Variants in NIBAN1 observed in about 807,000 individuals in gnomAD.
NIBAN1 encodes protein Niban 1.
NIBAN1 carries 81 observed loss-of-function variants against 75.1 expected under a neutral mutation model. The observed-to-expected ratio is 1.08, with a 90% CI of 0.90 to 1.30. The LOEUF (loss-of-function observed/expected upper bound fraction) is 1.30. NIBAN1 is among the 50% of genes most tolerant of loss of function. The pLI, the probability that NIBAN1 is intolerant of heterozygous loss-of-function variation, is 0.00. For missense variants in NIBAN1, 1,133 were observed against 1,128.1 expected (o/e 1.00, Z -0.06); for synonymous variants, 436 against 424.8 (o/e 1.03, Z -0.32).
chr1:184,884,322 C>G (rs993440371), intron 5 of NIBAN1, among the ~76,000 whole-genome samples: 1 of 145,368 alleles, frequency 6.9e-6, no homozygotes, highest in Admixed American at 7.1e-5. Context: ...CTCCCGGGTT[C>G]AAGTAATTCT....
At chr1:184,895,809 G>A (rs1656783073) in intron 2 of NIBAN1, among the ~76,000 whole-genome samples, 1 of 152,038 alleles carries the variant, frequency 6.6e-6, no homozygotes, top group African/African-American at 2.4e-5. Context: ...GAAAACATGT[G>A]GTATTTGATT....
At chr1:184,803,524 G>T (rs1211490296) in intron 12 of NIBAN1, 61 bp downstream of exon 12, 20 of 1,348,218 alleles carry the variant, frequency 1.5e-5, no homozygotes, top group Non-Finnish European at 2.1e-5. Flanking sequence ...CATCACAAAA[G>T]AACTTGTTTG....
At chr1:184,805,836 A>T in intron 11 of NIBAN1, 110 bp downstream of exon 11, 2 of 791,028 alleles carry the variant, frequency 2.5e-6, no homozygotes, top group African/African-American at 1.7e-5. Context: ...GAGAGAAAGG[A>T]GTGGGGAAAG....
Position 184,823,662 on chromosome 1 carries a change from A to T in NIBAN1, c.798T>A (p.Asn266Lys), listed in dbSNP as rs754503299. 1.2e-6 allele frequency: 2 copies of T among 1,614,184 alleles called. No homozygotes were observed. Among genetic ancestry groups the T allele is most frequent in the Admixed American group, 1.7e-5 (1 of 60,024 alleles). ...CACCAAGCCACGTCCTCTTTCTGTC[A>T]TTCTTCTTCCCCTTCATCTTAGGCA... ...DLLPKMKGKKNDRKRTWLGLL... is the reference protein window; with the variant it reads ...DLLPKMKGKKKDRKRTWLGLL... The change falls in exon 7 of 14, where the codon AAT becomes AAA. Residue 266 changes from asparagine to lysine, a missense_variant. Coordinates refer to ENST00000367511, the MANE Select transcript of NIBAN1 (RefSeq NM_052966.4).
intron 5 of NIBAN1, among the ~76,000 whole-genome samples, chr1:184,871,370 A>T (rs1014585014): frequency 7.0e-6 from 1 of 142,086 alleles, no homozygotes; most frequent in Non-Finnish European, 1.5e-5. Flanking sequence ...AAAAAAAAAA[A>T]AAAGAGGAAA....
intron 5 of NIBAN1, among the ~76,000 whole-genome samples, chr1:184,881,379 G>A (rs899266743): frequency 6.6e-6 from 1 of 152,148 alleles, no homozygotes; most frequent in African/African-American, 2.4e-5. Context: ...GCCAAATTCA[G>A]ACCCAACACT....
intron 5 of NIBAN1, among the ~76,000 whole-genome samples, chr1:184,835,295 C>CT (rs1243929480): frequency 6.6e-6 from 1 of 152,154 alleles, no homozygotes; most frequent in Non-Finnish European, 1.5e-5. Context: ...CAGCTTTGTT[C>CT]TTTTTGCTTA....
chr1:184,803,785 T>C, intron 11 of NIBAN1, 93 bp from the exon 12 acceptor site: 2 of 1,000,302 alleles, frequency 2.0e-6, no homozygotes, highest in Admixed American at 1.9e-5. Context: ...CACCTCTCTT[T>C]TCCTCCTAAT....
At chr1:184,918,121 G>A (rs560274596) in intron 1 of NIBAN1, among the ~76,000 whole-genome samples, 24 of 152,076 alleles carry the variant, frequency 1.6e-4, no homozygotes, top group Non-Finnish European at 2.8e-4. Flanking sequence ...CCCCTGTCTC[G>A]GTTAACAGAT....
chr1:184,941,576 G>A (rs372167912), intron 1 of NIBAN1, among the ~76,000 whole-genome samples: 2 of 151,742 alleles, frequency 1.3e-5, no homozygotes, highest in Admixed American at 6.6e-5. Context: ...CTTGAGCCTG[G>A]GGGATCAAGG....
At chr1:184,809,283 T>C (rs1654298391) in intron 9 of NIBAN1, among the ~76,000 whole-genome samples, 1 of 152,212 alleles carries the variant, frequency 6.6e-6, no homozygotes, top group South Asian at 2.1e-4. Flanking sequence ...ATCAAAAGCA[T>C]GCTGTGGAAC....
chr1:184,808,845 A>T (rs1335135600), intron 9 of NIBAN1, among the ~76,000 whole-genome samples: 15 of 152,172 alleles, frequency 9.9e-5, no homozygotes. Context: ...CTCCTACTCT[A>T]GTTTGCACTC....
At chr1:184,925,596 G>T (rs1571578783) in intron 1 of NIBAN1, among the ~76,000 whole-genome samples, 1 of 149,320 alleles carries the variant, frequency 6.7e-6, no homozygotes, top group Admixed American at 6.6e-5. Context: ...TTTTATTTGA[G>T]GCTACCATGA....
intron 1 of NIBAN1, among the ~76,000 whole-genome samples, chr1:184,956,026 T>C (rs1658481974): frequency 2.7e-5 from 1 of 37,202 alleles, no homozygotes; most frequent in Non-Finnish European, 5.8e-5. Context: ...ATTTTTTCTT[T>C]TTGTTTGTTT....
chr1:184,924,699 T>C (rs893547271), intron 1 of NIBAN1, among the ~76,000 whole-genome samples: 1 of 152,174 alleles, frequency 6.6e-6, no homozygotes, highest in Non-Finnish European at 1.5e-5. Context: ...ATTACAGCTT[T>C]GATCTCATTA....
chr1:184,839,995 A>T (rs1472136937), intron 5 of NIBAN1, among the ~76,000 whole-genome samples: 1 of 152,222 alleles, frequency 6.6e-6, no homozygotes, highest in Non-Finnish European at 1.5e-5. Flanking sequence ...GAGATCACTT[A>T]GTCCAAATCT....
intron 1 of NIBAN1, among the ~76,000 whole-genome samples, chr1:184,943,237 G>C (rs1173538305): frequency 6.6e-6 from 1 of 152,208 alleles, no homozygotes; most frequent in Admixed American, 6.5e-5. Context: ...AATTTGATCA[G>C]AATGAGTTCC....
rs138813412 is a variant in NIBAN1 at position 184,795,094 on chromosome 1, C to T, written c.2670G>A (p.Glu890=). The T allele has an allele frequency of 9.3e-6, 15 of 1,614,006 alleles. No homozygotes were observed. In the African/African-American group the frequency reaches 1.9e-4, roughly 20 times the overall value. Residue 890 remains glutamate, a synonymous_variant, in exon 14 of 14, where the codon GAG becomes GAA. Transcript: ENST00000367511. ...AEEIKVARIH[E]CQWVVEDAPN... is the part of the protein sequence containing the mutation. ...GAGCATCCTCCACCACCCACTGACA[C>T]TCATGAATACGGGCTACCTTGATCT...
Position 184,963,223 on chromosome 1 carries a change from CAA to C in NIBAN1, c.55+11077_55+11078del, listed in dbSNP as rs1658696386. Among the ~76,000 whole-genome samples the C allele has an allele frequency of 2.0e-5, 3 of 151,956 alleles. No individual in the cohort carries two copies. The South Asian group carries it at 6.2e-4, about 32-fold the overall frequency. On this transcript the variant is annotated intron_variant, in intron 1 of 13. Coordinates refer to ENST00000367511, the MANE Select transcript of NIBAN1 (RefSeq NM_052966.4). ...ACATTAAAATATTATTAGAAAAAATCAAGTCTTTAATAAAATTCAGTATATAT... is the reference window on the plus strand; with the variant it reads ...ACATTAAAATATTATTAGAAAAAATCGTCTTTAATAAAATTCAGTATATAT...
Sources: gnomAD v4.1 joint callset for allele counts (sites outside exome capture counted in the v4.1 genomes callset) on GRCh38, gnomAD v4.1.1 for gene constraint, MANE v1.5 for transcripts, NCBI Gene and HGNC (gene_info 2026-07-23, HGNC 2026-07-21) for gene names.